The following SLCO2B1 variants were observed in gnomAD, a reference collection of about 807,000 sequenced individuals.
SLCO2B1 encodes the protein OATP-RP2.
A neutral mutation model predicts 67.3 loss-of-function variants in SLCO2B1; 41 were observed. The ratio of observed to expected loss-of-function variants is 0.61; its 90% CI spans 0.47 to 0.79. The LOEUF is 0.79. Ranked by LOEUF, SLCO2B1 falls within the 30% of genes least tolerant of loss-of-function variation. The pLI is 0.00. For missense variants in SLCO2B1, 837 were observed against 920.1 expected (o/e 0.91, Z 1.17); for synonymous variants, 379 against 381.4 (o/e 0.99, Z 0.07).
chr11:75,191,929 T>C (rs1336890898), intron 8 of SLCO2B1, among the ~76,000 whole-genome samples: 1 of 152,208 alleles, frequency 6.6e-6, no homozygotes, highest in Non-Finnish European at 1.5e-5. Context: ...GCCCTTTGGT[T>C]TAGCAGACTT....
At chr11:75,152,013 A>G (rs1949697604) in intron 1 of SLCO2B1, among the ~76,000 whole-genome samples, 1 of 152,194 alleles carries the variant, frequency 6.6e-6, no homozygotes, top group South Asian at 2.1e-4. Flanking sequence ...GAAGACCAGG[A>G]GATTGAGAGT....
In SLCO2B1 at chr11:75,202,846, C is replaced by A; in HGVS notation, c.1764-55C>A. ...AGAACCCTTCAACGTTGATGCATGG[C>A]CCTTGGGGGCTGGAACCCCTCCAAC... On this transcript the variant is annotated intron_variant, in intron 11 of 13. Transcript: ENST00000289575. 6 of 1,472,102 alleles carry A rather than the reference C, an allele frequency of 4.1e-6. No individual in the cohort carries two copies. In the South Asian group the frequency reaches 6.8e-5, roughly 17 times the overall value. 91.2% of individuals were successfully genotyped at this position (1,472,102 alleles called of 1,614,324 possible). A position where few individuals can be genotyped will look rare whatever the true frequency, so the allele number is the denominator to read the frequency against.
chr11:75,196,800 C>T (rs949542413), intron 10 of SLCO2B1, 121 bp downstream of exon 10: 1 of 919,170 alleles, frequency 1.1e-6, no homozygotes, highest in African/African-American at 1.7e-5. Context: ...CTCTCTGTCT[C>T]TCTCTGTTGG....
chr11:75,195,840 C>A (rs1945090415), intron 9 of SLCO2B1, among the ~76,000 whole-genome samples: 1 of 152,210 alleles, frequency 6.6e-6, no homozygotes, highest in African/African-American at 2.4e-5. Context: ...GGGGACACCT[C>A]CCTGCCCTCC....
chr11:75,179,317 C>T (rs1264782438), intron 7 of SLCO2B1, among the ~76,000 whole-genome samples: 4 of 148,456 alleles, frequency 2.7e-5, no homozygotes, highest in South Asian at 4.3e-4. Flanking sequence ...CTGCAACCTC[C>T]GCCTCCGGGG....
chr11:75,183,396 G>A lies in SLCO2B1; in HGVS notation c.973-4740G>A, dbSNP rs547837382. Among the ~76,000 whole-genome samples the A allele has an allele frequency of 3.9e-5, 6 of 152,226 alleles. No homozygotes were observed. In the South Asian group the frequency reaches 6.2e-4, roughly 16 times the overall value. ...TCTAAGGTATAAATGAATAATCCACGCAGGCTGCCTTACCCAAAAAAATAA... is the reference window on the plus strand; with the variant it reads ...TCTAAGGTATAAATGAATAATCCACACAGGCTGCCTTACCCAAAAAAATAA... On this transcript the variant is annotated intron_variant, in intron 7 of 13. Coordinates refer to ENST00000289575, the MANE Select transcript of SLCO2B1 (RefSeq NM_007256.5).
intron 13 of SLCO2B1, 152 bp downstream of exon 13, chr11:75,203,579 C>A: frequency 1.1e-6 from 1 of 928,216 alleles, no homozygotes; most frequent in Non-Finnish European, 1.6e-6. Context: ...ACCAGTCCTT[C>A]AAGCTAAACA....
At chr11:75,203,249 G>A in intron 12 of SLCO2B1, 58 bp from the exon 13 acceptor site, 2 of 1,591,884 alleles carry the variant, frequency 1.3e-6, no homozygotes, top group South Asian at 1.1e-5. Flanking sequence ...TACATGCCAG[G>A]GAGGGGGCAG....
chr11:75,160,377 G>A (rs1478182415), intron 1 of SLCO2B1, among the ~76,000 whole-genome samples: 2 of 152,222 alleles, frequency 1.3e-5, no homozygotes, highest in Admixed American at 6.5e-5. Context: ...CTGAGCCTGG[G>A]TGTCCTTATC....
intron 1 of SLCO2B1, among the ~76,000 whole-genome samples, chr11:75,159,113 C>T (rs1949782030): frequency 1.3e-5 from 2 of 152,256 alleles, no homozygotes; most frequent in South Asian, 4.1e-4. Context: ...AGGCAGGTGG[C>T]TGACTGACGG....
intron 7 of SLCO2B1, among the ~76,000 whole-genome samples, chr11:75,184,569 G>A (rs1683948414): frequency 6.6e-6 from 1 of 152,134 alleles, no homozygotes; most frequent in Non-Finnish European, 1.5e-5. Flanking sequence ...GCCCACTGTG[G>A]TCACTATGGT....
chr11:75,177,403 T>C (rs1950039073), intron 7 of SLCO2B1, among the ~76,000 whole-genome samples: 1 of 152,138 alleles, frequency 6.6e-6, no homozygotes, highest in African/African-American at 2.4e-5. Context: ...GCAAGCTTCC[T>C]TGGTGTCTAA....
At chr11:75,180,168 C>A (rs1330810272) in intron 7 of SLCO2B1, among the ~76,000 whole-genome samples, 4 of 151,982 alleles carry the variant, frequency 2.6e-5, no homozygotes, top group African/African-American at 9.7e-5. Flanking sequence ...AGGCATGCAC[C>A]ACAATGCCTG....
chr11:75,188,336 C>T, intron 8 of SLCO2B1, 98 bp downstream of exon 8: 6 of 768,782 alleles, frequency 7.8e-6, no homozygotes, highest in Non-Finnish European at 1.4e-5. Context: ...TTCATCTTCT[C>T]TACCTGCAGA....
intron 1 of SLCO2B1, among the ~76,000 whole-genome samples, chr11:75,156,821 T>G (rs1161247523): frequency 1.3e-5 from 2 of 152,226 alleles, no homozygotes; most frequent in African/African-American, 4.8e-5. Flanking sequence ...TTAGACCATA[T>G]AGGGTAACTT....
intron 7 of SLCO2B1, among the ~76,000 whole-genome samples, chr11:75,173,743 A>T (rs1208514748): frequency 6.6e-6 from 1 of 152,238 alleles, no homozygotes; most frequent in Non-Finnish European, 1.5e-5. Flanking sequence ...CAAAAACACG[A>T]GGCCTGAAAA....
rs757172231 is a variant in SLCO2B1 at position 75,200,367 on chromosome 11, C to T, written c.1743C>T (p.Pro581=). 12 of 1,606,612 alleles carry T rather than the reference C, an allele frequency of 7.5e-6. No homozygotes were observed. The African/African-American group carries it at 9.4e-5, about 13-fold the overall frequency. Residue 581 remains proline (P), a synonymous_variant, in exon 11 of 14, where the codon CCC becomes CCT. Transcript: ENST00000289575. ...CCCTGGCCTGTCTCACCCACACACC[C>T]TCCTTCATGCTCATCCTAAGGTGAA... ...GSALACLTHT[P]SFMLILRGVK...
intron 3 of SLCO2B1, among the ~76,000 whole-genome samples, chr11:75,165,078 G>T (rs1949870968): frequency 6.6e-6 from 1 of 152,104 alleles, no homozygotes; most frequent in African/African-American, 2.4e-5. Context: ...TCCCTGCCCT[G>T]CATGCACTGA....
intron 1 of SLCO2B1, among the ~76,000 whole-genome samples, chr11:75,160,210 GA>G (rs1357602889): frequency 6.6e-6 from 1 of 152,242 alleles, no homozygotes; most frequent in Non-Finnish European, 1.5e-5. Flanking sequence ...TGCTACCTAT[GA>G]AGTGACTTGG....
Sources: allele counts gnomAD v4.1 joint callset (sites outside exome capture counted in the v4.1 genomes callset), GRCh38; gene constraint gnomAD v4.1.1; transcripts MANE v1.5; gene names NCBI Gene and HGNC (gene_info 2026-07-23, HGNC 2026-07-21).